The following VPS37A variants were observed in gnomAD, a reference collection of about 807,000 sequenced individuals.
VPS37A encodes the protein VPS37A subunit of ESCRT-I, also known as vacuolar protein sorting-associated protein 37A.
VPS37A carries 30 observed loss-of-function variants against 49.8 expected under a neutral mutation model. The ratio of observed to expected loss-of-function variants is 0.60; its 90% confidence interval spans 0.45 to 0.82. The LOEUF (loss-of-function observed/expected upper bound fraction) is 0.82. Ranked by LOEUF, VPS37A falls within the 40% of genes least tolerant of loss-of-function variation. The probability of loss-of-function intolerance (pLI) is 0.00; values close to 1 mark genes in which losing one functional copy is unlikely to be tolerated. For missense variants in VPS37A, 593 were observed against 464.4 expected, an observed-to-expected ratio of 1.28 and a Z score of -2.55; for synonymous variants, 195 against 160.6, an observed-to-expected ratio of 1.21 and a Z score of -1.62.
chr8:17,279,291 T>C (rs975182366), intron 6 of VPS37A, among the ~76,000 whole-genome samples: 12 of 152,240 alleles, frequency 7.9e-5, no homozygotes, highest in African/African-American at 2.9e-4. Flanking sequence ...CTTGGAATCA[T>C]GCACTGACCT....
At chr8:17,256,357 G>A (rs1812460883) in intron 1 of VPS37A, among the ~76,000 whole-genome samples, 1 of 117,222 alleles carries the variant, frequency 8.5e-6, no homozygotes, top group South Asian at 2.8e-4. Context: ...AGACTAATCT[G>A]GAACTCCTGG....
At chr8:17,258,222 T>C (rs1812656088) in intron 1 of VPS37A, among the ~76,000 whole-genome samples, 2 of 152,240 alleles carry the variant, frequency 1.3e-5, no homozygotes, top group African/African-American at 4.8e-5. Flanking sequence ...GCTTGTCTTA[T>C]TCTAGATCTT....
At chr8:17,324,500 G>A in the VPS37A span, among the ~76,000 whole-genome samples, 3 of 152,188 alleles carry the variant, frequency 2.0e-5, no homozygotes, top group Admixed American at 2.0e-4. Context: ...TCTAGCCTCT[G>A]CCTCTGCGCT....
At chr8:17,263,445 A>G (rs146106061) in intron 1 of VPS37A, among the ~76,000 whole-genome samples, 119 of 152,228 alleles carry the variant, frequency 7.8e-4, no homozygotes, top group African/African-American at 2.8e-3. Context: ...TTGTTTTGGA[A>G]TTTGTTGATG....
At chr8:17,281,708 C>CA (rs1047153190) in intron 9 of VPS37A, among the ~76,000 whole-genome samples, 5 of 151,802 alleles carry the variant, frequency 3.3e-5, no homozygotes, top group Non-Finnish European at 5.9e-5. Flanking sequence ...CAAAAATAAA[C>CA]AATCAAAAAT....
At chr8:17,322,019 GAA>G in the VPS37A span, among the ~76,000 whole-genome samples, 1 of 151,908 alleles carries the variant, frequency 6.6e-6, no homozygotes, top group Non-Finnish European at 1.5e-5. Context: ...TGAGGGTGCA[GAA>G]AAAGTCTCCA....
the VPS37A span, chr8:17,331,097 G>T: frequency 1.9e-6 from 3 of 1,560,360 alleles, no homozygotes; most frequent in Non-Finnish European, 2.6e-6. Context: ...ATTCCCTTTT[G>T]GCATCAAAAT....
chr8:17,311,476 A>C, the VPS37A span: 2 of 1,613,616 alleles, frequency 1.2e-6, no homozygotes, highest in Non-Finnish European at 1.7e-6. Context: ...TGGTCAAGGC[A>C]CCGCCTGTGG....
chr8:17,266,624 C>G (rs995996282), intron 2 of VPS37A, among the ~76,000 whole-genome samples: 3 of 152,118 alleles, frequency 2.0e-5, no homozygotes, highest in African/African-American at 4.8e-5. Flanking sequence ...AAGAAGGCAC[C>G]TAACTTGAAG....
intron 1 of VPS37A, among the ~76,000 whole-genome samples, chr8:17,253,650 A>G (rs1812176195): frequency 6.6e-6 from 1 of 152,200 alleles, no homozygotes; most frequent in South Asian, 2.1e-4. Flanking sequence ...ACTCTTTTAA[A>G]TGTAACTCAG....
At chr8:17,291,467 T>C (rs1160405057) in intron 11 of VPS37A, among the ~76,000 whole-genome samples, 1 of 151,164 alleles carries the variant, frequency 6.6e-6, no homozygotes, top group Non-Finnish European at 1.5e-5. Context: ...TTCGTGTCTC[T>C]GTCTCTTTAA....
Position 17,268,878 on chromosome 8 carries a change from G to C in VPS37A, c.338G>C (p.Gly113Ala), listed in dbSNP as rs1309410721. ...VNNFTMHSDL[G>A]KIIQSLLDEF... ...CAGTTTACAATGCACTCAGATCTTG[G>C]AAAAATTATTCAGAGTCTGTTGGAT... The change falls in exon 4 of 12, where the codon GGA becomes GCA. Residue 113 changes from glycine to alanine, a missense_variant. By Grantham distance (60) the Gly-to-Ala change is moderately conservative. Coordinates refer to ENST00000324849, the MANE Select transcript of VPS37A (RefSeq NM_152415.3). The C allele has an allele frequency of 3.1e-6, 5 of 1,608,688 alleles. No homozygotes were observed. Among genetic ancestry groups the C allele is most frequent in the Non-Finnish European group, 4.2e-6 (5 of 1,178,952 alleles).
the VPS37A span, among the ~76,000 whole-genome samples, chr8:17,314,388 G>C: frequency 3.3e-5 from 5 of 152,054 alleles, no homozygotes; most frequent in African/African-American, 9.7e-5. Flanking sequence ...TCTTGCACAT[G>C]TTATTCCAGT....
intron 1 of VPS37A, among the ~76,000 whole-genome samples, chr8:17,262,060 T>C (rs1813010027): frequency 6.6e-6 from 1 of 152,108 alleles, no homozygotes; most frequent in African/African-American, 2.4e-5. Flanking sequence ...TTTTCCAGTG[T>C]AGAAATCGTG....
chr8:17,262,400 C>G (rs776680345), intron 1 of VPS37A, among the ~76,000 whole-genome samples: 19 of 152,138 alleles, frequency 1.2e-4, no homozygotes, highest in Admixed American at 3.9e-4. Context: ...AATCTATATT[C>G]TTAATAACAA....
chr8:17,332,697 T>C, the VPS37A span, among the ~76,000 whole-genome samples: 2 of 152,210 alleles, frequency 1.3e-5, no homozygotes, highest in African/African-American at 2.4e-5. Flanking sequence ...CAAAATCATA[T>C]AGGTCGAACC....
chr8:17,260,877 C>G (rs76044875), intron 1 of VPS37A, among the ~76,000 whole-genome samples: 2,178 of 152,148 alleles, frequency 0.014, 38 homozygotes, highest in Middle Eastern at 0.041. Flanking sequence ...TGTTTCTTTC[C>G]TCTTGCTGAT....
chr8:17,314,931 A>T, the VPS37A span, among the ~76,000 whole-genome samples: 4 of 152,306 alleles, frequency 2.6e-5, no homozygotes, highest in African/African-American at 9.6e-5. Context: ...TATGTGTCTG[A>T]TAAAGTACAT....
chr8:17,284,685 C>T (rs953737319), intron 10 of VPS37A, 69 bp downstream of exon 10: 3 of 1,489,006 alleles, frequency 2.0e-6, no homozygotes, highest in Non-Finnish European at 2.7e-6. Context: ...GGAGGAGAAG[C>T]ACTGGGTGTT....
Sources: gnomAD v4.1 joint callset for allele counts (sites outside exome capture counted in the v4.1 genomes callset) on GRCh38, gnomAD v4.1.1 for gene constraint, MANE v1.5 for transcripts, NCBI Gene and HGNC (gene_info 2026-07-23, HGNC 2026-07-21) for gene names.